Variants in TARS1 observed in about 807,000 individuals in gnomAD.
The protein encoded by TARS1 is threonyl-tRNA synthetase 1, also known as threonine--tRNA ligase 1, cytoplasmic.
TARS1 carries 57 observed loss-of-function variants against 97.7 expected under a neutral mutation model. That is an observed-to-expected ratio of 0.58 (90% CI 0.47 to 0.73). The LOEUF is 0.73. Ranked by LOEUF, TARS1 falls within the 30% of genes least tolerant of loss-of-function variation. The pLI is 0.00. For synonymous variants in TARS1, 312 were observed against 293.7 expected, an observed-to-expected ratio of 1.06 and a Z score of -0.64; for missense variants, 806 against 888.3, an observed-to-expected ratio of 0.91 and a Z score of 1.18.
intron 16 of TARS1, 30 bp from the exon 17 acceptor site, chr5:33,463,723 T>C (rs1207302943): frequency 6.3e-7 from 1 of 1,588,236 alleles, no homozygotes; most frequent in South Asian, 1.1e-5. Flanking sequence ...TGCCCACATC[T>C]ACACTGAATA....
chr5:33,461,134 CT>C (rs1561077583), intron 12 of TARS1, 23 bp from the exon 13 acceptor site: 1 of 1,602,062 alleles, frequency 6.2e-7, no homozygotes, highest in South Asian at 1.1e-5. Context: ...ACTACTGTTT[CT>C]TTTTTTGTTT....
At chr5:33,466,264 C>G (rs1742524732) in intron 17 of TARS1, 1 of 152,138 alleles carries the variant, frequency 6.6e-6, no homozygotes, top group Admixed American at 6.5e-5. Flanking sequence ...ATGCCCAACT[C>G]TCATAGCAGG....
At position 33,467,709 on chromosome 5, in the gene TARS1, T is replaced by G; in HGVS notation, c.*1T>G. 6.2e-7 allele frequency: 1 copy of G among 1,607,396 alleles called. No individual in the cohort carries two copies. Among genetic ancestry groups the G allele is most frequent in the Non-Finnish European group, 8.5e-7 (1 of 1,178,094 alleles). ...CAAACAGGCAGAAGAAGAATTTTAA[T>G]GAAAAAATTACCCAGATTGGCTCCA... On this transcript the variant is annotated 3_prime_UTR_variant, in exon 19 of 19. Transcript: ENST00000265112.
Position 33,448,158 on chromosome 5 carries a change from C to T in TARS1, c.139-383C>T, listed in dbSNP as rs1035565315. Among the ~76,000 whole-genome samples the T allele has an allele frequency of 2.6e-5, 4 of 152,146 alleles. No individual in the cohort carries two copies. In the South Asian group the frequency reaches 8.3e-4, roughly 32 times the overall value. On this transcript the variant is annotated intron_variant, in intron 2 of 18. Transcript: ENST00000265112. ...CATATAGGCTGACCCGCTGCACAGA[C>T]CATCACCTGGACATGAATGAAACAA...
chr5:33,459,670 CAT>C (rs370219308), intron 10 of TARS1, 23 bp from the exon 11 acceptor site: 49 of 1,612,482 alleles, frequency 3.0e-5, no homozygotes, highest in East Asian at 6.7e-5. Flanking sequence ...TTTGCCTACA[CAT>C]GTTTCTGTTT....
chr5:33,460,182 G>C (rs999453910), intron 11 of TARS1, among the ~76,000 whole-genome samples: 1 of 152,084 alleles, frequency 6.6e-6, no homozygotes, highest in Non-Finnish European at 1.5e-5. Context: ...ACGTTGCTCA[G>C]CCTGGTCTCA....
rs776418579 is a variant in TARS1 at position 33,441,175 on chromosome 5, C to T, written c.57+32C>T. On this transcript the variant is annotated intron_variant, in intron 1 of 18. Coordinates refer to ENST00000265112, the MANE Select transcript of TARS1 (RefSeq NM_152295.5). ...AAACTTGGTGGGACCCAGAGACCAG[C>T]CTGGGACTCTAGTGGGTGCAGACGC... 32 of 1,613,134 alleles carry T rather than the reference C, an allele frequency of 2.0e-5. 1 individual carries two copies. Among genetic ancestry groups the T allele is most frequent in the Admixed American group, 5.0e-5 (3 of 60,010 alleles).
Position 33,453,285 on chromosome 5 carries a change from T to TTA in TARS1, c.330-4_330-3insTA. 1 of 1,522,884 alleles carries TTA rather than the reference T, an allele frequency of 6.6e-7. No homozygotes were observed. Among genetic ancestry groups the TTA allele is most frequent in the Non-Finnish European group, 8.7e-7 (1 of 1,143,430 alleles). 94.3% of individuals were successfully genotyped at this position (1,522,884 alleles called of 1,614,324 possible). A position where few individuals can be genotyped will look rare whatever the true frequency, so the allele number is the denominator to read the frequency against. ...GGACTTTTTTTTTTTTTTTTTTTTT[T>TTA]AAGTCAAGGCCTGGCCGACAACACC... On this transcript the variant is annotated splice_region_variant and splice_polypyrimidine_tract_variant and intron_variant, in intron 3 of 18. Transcript: ENST00000265112.
chr5:33,463,206 A>G (rs1742376043), intron 16 of TARS1, among the ~76,000 whole-genome samples: 1 of 152,212 alleles, frequency 6.6e-6, no homozygotes, highest in African/African-American at 2.4e-5. Flanking sequence ...GAAGCATTTG[A>G]CACTTGTATT....
chr5:33,449,391 A>C (rs992960417), intron 3 of TARS1, among the ~76,000 whole-genome samples: 1 of 147,594 alleles, frequency 6.8e-6, no homozygotes, highest in Non-Finnish European at 1.5e-5. Context: ...TCTAGTCATA[A>C]TCTGTTTGTG....
At chr5:33,448,905 T>G (rs1022773626) in intron 3 of TARS1, among the ~76,000 whole-genome samples, 174 bp downstream of exon 3, 30 of 152,354 alleles carry the variant, frequency 2.0e-4, no homozygotes, top group African/African-American at 6.5e-4. Flanking sequence ...CAGAGCTTTG[T>G]AGTCAAAATT....
At chr5:33,445,428 C>T in intron 2 of TARS1, 24 bp downstream of exon 2, 8 of 1,604,700 alleles carry the variant, frequency 5.0e-6, no homozygotes, top group Non-Finnish European at 6.8e-6. Context: ...TCACAGAGGG[C>T]TCTGTTATCA....
intron 13 of TARS1, 72 bp from the exon 14 acceptor site, chr5:33,461,595 T>A: frequency 7.0e-7 from 1 of 1,437,292 alleles, no homozygotes; most frequent in East Asian, 2.3e-5. Context: ...TACTGTATTT[T>A]TAGTCTCAAA....
At chr5:33,443,882 A>C (rs1309650027) in intron 1 of TARS1, among the ~76,000 whole-genome samples, 1 of 152,166 alleles carries the variant, frequency 6.6e-6, no homozygotes, top group Non-Finnish European at 1.5e-5. Context: ...ATGAACCTTT[A>C]AAGTTTATTA....
chr5:33,462,565 G>A (rs1234927175), intron 16 of TARS1, among the ~76,000 whole-genome samples: 4 of 152,170 alleles, frequency 2.6e-5, no homozygotes, highest in Non-Finnish European at 5.9e-5. Flanking sequence ...TAAATGAGGA[G>A]GCTTATGGCT....
intron 16 of TARS1, among the ~76,000 whole-genome samples, chr5:33,462,589 C>G (rs1742347108): frequency 6.6e-6 from 1 of 152,148 alleles, no homozygotes; most frequent in African/African-American, 2.4e-5. Context: ...TTCGTTCAGC[C>G]TTGCTAATCA....
chr5:33,451,155 G>A (rs1741712809), intron 3 of TARS1, among the ~76,000 whole-genome samples: 1 of 152,092 alleles, frequency 6.6e-6, no homozygotes. Context: ...AAACATTGAT[G>A]GGCTTTAGCT....
chr5:33,467,348 T>TA (rs1742576178), intron 18 of TARS1, among the ~76,000 whole-genome samples: 1 of 152,226 alleles, frequency 6.6e-6, no homozygotes, highest in African/African-American at 2.4e-5. Context: ...ATTTGGTTGT[T>TA]ACGTTGTCTA....
intron 16 of TARS1, among the ~76,000 whole-genome samples, 200 bp downstream of exon 16, chr5:33,462,403 ATTACT>A (rs1742338637): frequency 1.3e-5 from 2 of 152,240 alleles, no homozygotes; most frequent in African/African-American, 2.4e-5. Context: ...GCTAATAGTA[ATTACT>A]TTAATTCCAG....
Sources: allele counts gnomAD v4.1 joint callset (sites outside exome capture counted in the v4.1 genomes callset), GRCh38; gene constraint gnomAD v4.1.1; transcripts MANE v1.5; gene names NCBI Gene and HGNC (gene_info 2026-07-23, HGNC 2026-07-21).